POPDC3: variants seen among roughly 807,000 people sequenced by gnomAD.
The protein encoded by POPDC3 is popeye domain cAMP effector 3, also known as popeye domain-containing protein 3.
Under a neutral mutation model 28.2 loss-of-function variants are expected in POPDC3, and 20 were observed. The observed-to-expected ratio is 0.71, with a 90% confidence interval of 0.50 to 1.03. The LOEUF is 1.03. POPDC3 is among the 50% of genes least tolerant of loss of function. The pLI is 0.00. For synonymous variants in POPDC3, 118 were observed against 124.1 expected, an observed-to-expected ratio of 0.95 and a Z score of 0.33; for missense variants, 316 against 345.9, an observed-to-expected ratio of 0.91 and a Z score of 0.69.
chr6:105,177,311 G>C (rs1008463237), intron 1 of POPDC3, among the ~76,000 whole-genome samples: 2 of 151,756 alleles, frequency 1.3e-5, no homozygotes, highest in Non-Finnish European at 2.9e-5. Flanking sequence ...TCCTGGACTA[G>C]AAATAACTCA....
At chr6:105,167,100 T>C (rs914672193) in intron 1 of POPDC3, among the ~76,000 whole-genome samples, 10 of 151,864 alleles carry the variant, frequency 6.6e-5, no homozygotes, top group African/African-American at 2.4e-4. Context: ...ATCAACAGTT[T>C]AGATGTTGAA....
intron 1 of POPDC3, among the ~76,000 whole-genome samples, chr6:105,179,629 C>T (rs1296665854): frequency 3.3e-5 from 5 of 152,178 alleles, no homozygotes; most frequent in Non-Finnish European, 5.9e-5. Context: ...GGACCCCAGA[C>T]CCCGGACCCC....
At chr6:105,177,098 A>C in intron 1 of POPDC3, 1 of 304,006 alleles carries the variant, frequency 3.3e-6, no homozygotes, top group Non-Finnish European at 4.9e-6. Flanking sequence ...ATTAACAACC[A>C]TCAACACTGT....
At chr6:105,163,781 TAAAAAAAAAG>T in intron 1 of POPDC3, 1 of 150,800 alleles carries the variant, frequency 6.6e-6, no homozygotes, top group South Asian at 2.1e-4. Flanking sequence ...GTGAATCATT[TAAAAAAAAAG>T]AAAAAAAAAG....
At chr6:105,174,106 A>C (rs1774635202) in intron 1 of POPDC3, among the ~76,000 whole-genome samples, 1 of 152,214 alleles carries the variant, frequency 6.6e-6, no homozygotes, top group Admixed American at 6.5e-5. Flanking sequence ...CAATGGCACA[A>C]TCTTGGCTCA....
chr6:105,158,799 T>G (rs771998391), intron 3 of POPDC3, 48 bp from the exon 4 acceptor site: 2 of 1,475,154 alleles, frequency 1.4e-6, no homozygotes, highest in Admixed American at 4.4e-5. Context: ...GCAAGAAAAC[T>G]TCTGCCACAT....
chr6:105,162,008 T>C lies in POPDC3; in HGVS notation c.-99A>G. 8 of 1,510,278 alleles carry C rather than the reference T, an allele frequency of 5.3e-6. No individual in the cohort carries two copies. Among genetic ancestry groups the C allele is most frequent in the Non-Finnish European group, 7.0e-6 (8 of 1,136,298 alleles). The allele number at this position is 1,510,278 out of a possible 1,614,324, so 93.6% of individuals were successfully genotyped here. On this transcript the variant is annotated 5_prime_UTR_variant, in exon 2 of 4. Coordinates refer to ENST00000254765, the MANE Select transcript of POPDC3 (RefSeq NM_022361.5). Reference sequence around the variant, plus strand: ...TCTCCATCATGAGAGTTTTGTGCAGTCTTCACAAAACCAGAGAAAACGGAC... The same window carrying C: ...TCTCCATCATGAGAGTTTTGTGCAGCCTTCACAAAACCAGAGAAAACGGAC...
intron 1 of POPDC3, among the ~76,000 whole-genome samples, chr6:105,170,692 C>T (rs944637669): frequency 6.6e-6 from 1 of 152,128 alleles, no homozygotes; most frequent in Non-Finnish European, 1.5e-5. Flanking sequence ...ATATGTGATC[C>T]TAAACAGTCA....
chr6:105,169,660 A>T (rs1330587474), intron 1 of POPDC3: 1 of 152,206 alleles, frequency 6.6e-6, no homozygotes, highest in Admixed American at 6.6e-5. Flanking sequence ...CCAAGGCCAG[A>T]TGACTTCAGC....
At chr6:105,176,236 G>C (rs1359996755) in intron 1 of POPDC3, among the ~76,000 whole-genome samples, 1 of 152,188 alleles carries the variant, frequency 6.6e-6, no homozygotes, top group Non-Finnish European at 1.5e-5. Context: ...CTCACAACCA[G>C]AAGAGGTTCA....
At chr6:105,178,632 A>T in intron 1 of POPDC3, 2 of 605,940 alleles carry the variant, frequency 3.3e-6, no homozygotes, top group South Asian at 7.3e-5. Context: ...ACAGAACCTC[A>T]GAGATATCTG....
At chr6:105,160,733 C>T (rs1183088932) in intron 2 of POPDC3, among the ~76,000 whole-genome samples, 1 of 152,146 alleles carries the variant, frequency 6.6e-6, no homozygotes, top group Non-Finnish European at 1.5e-5. Context: ...GCTGGGACTA[C>T]TGGCATGTGC....
Position 105,159,711 on chromosome 6 carries a change from C to G in POPDC3, c.594G>C (p.Gln198His). ...AACTGTGTGTTCTGGTATCCCTTACCTGAAAAATGCCTTCCTCTGTGGGTC... is the reference window on the plus strand; with the variant it reads ...AACTGTGTGTTCTGGTATCCCTTACGTGAAAAATGCCTTCCTCTGTGGGTC... ...SLRPTEEGIFQVTLTAETDCR... is the reference protein window; with the variant it reads ...SLRPTEEGIFHVTLTAETDCR... Residue 198 changes from glutamine (Q) to histidine (H), a missense_variant and splice_region_variant, in exon 3 of 4, where the codon CAG becomes CAC. Transcript: ENST00000254765. The G allele has an allele frequency of 1.3e-6, 2 of 1,584,494 alleles. No homozygotes were observed. Among genetic ancestry groups the G allele is most frequent in the Non-Finnish European group, 1.7e-6 (2 of 1,153,500 alleles).
At chr6:105,167,674 G>A (rs1312854224) in intron 1 of POPDC3, among the ~76,000 whole-genome samples, 1 of 151,612 alleles carries the variant, frequency 6.6e-6, no homozygotes, top group Non-Finnish European at 1.5e-5. Context: ...TTGAACCTGG[G>A]AGGCAGAGGC....
At chr6:105,162,498 G>A (rs1774358394) in intron 1 of POPDC3, among the ~76,000 whole-genome samples, 1 of 152,144 alleles carries the variant, frequency 6.6e-6, no homozygotes, top group Non-Finnish European at 1.5e-5. Context: ...TTGGGAGGCT[G>A]AGGTGGGTGG....
intron 1 of POPDC3, chr6:105,169,760 C>T (rs1774537189): frequency 6.6e-6 from 1 of 152,020 alleles, no homozygotes; most frequent in African/African-American, 2.4e-5. Context: ...GTTTTATTGT[C>T]CAGTTTTTAA....
chr6:105,163,007 T>G (rs904144173), intron 1 of POPDC3, among the ~76,000 whole-genome samples: 2 of 152,208 alleles, frequency 1.3e-5, no homozygotes, highest in African/African-American at 4.8e-5. Flanking sequence ...CATGCCCATA[T>G]GCTGGGTCCA....
At position 105,159,798 on chromosome 6, in the gene POPDC3, G is replaced by A. The variant is rs774623615; in HGVS notation, c.507C>T (p.Gly169=). The A allele has an allele frequency of 1.2e-5, 19 of 1,611,130 alleles. No individual in the cohort carries two copies. Among genetic ancestry groups the A allele is most frequent in the South Asian group, 3.3e-5 (3 of 90,970 alleles). ...GGGGGAAAATGTAATGCAGAAATTC[G>A]CCATCAACTGTCACTCTGATCCTAT... ...VSGRIRVTVD[G]EFLHYIFPLQ... The change falls in exon 3 of 4, where the codon GGC becomes GGT. Residue 169 remains glycine, a synonymous_variant. Coordinates refer to ENST00000254765, the MANE Select transcript of POPDC3 (RefSeq NM_022361.5).
Position 105,158,285 on chromosome 6 carries a change from G to T in POPDC3, c.*185C>A, listed in dbSNP as rs2114521081. 1.9e-6 allele frequency: 1 copy of T among 540,092 alleles called. No homozygotes were observed. The highest frequency in any genetic ancestry group is 3.2e-6 in the Non-Finnish European group (1 of 316,956). 33.5% of individuals were successfully genotyped at this position (540,092 alleles called of 1,614,324 possible). On this transcript the variant is annotated 3_prime_UTR_variant, in exon 4 of 4. Transcript: ENST00000254765. Reference sequence around the variant, plus strand: ...CCAATTATAACAATGAGAAATACAAGAAAAATTTGTAAAGTTTATTCACAA... The same window carrying T: ...CCAATTATAACAATGAGAAATACAATAAAAATTTGTAAAGTTTATTCACAA...
Sources: gnomAD v4.1 joint callset for allele counts (sites outside exome capture counted in the v4.1 genomes callset) on GRCh38, gnomAD v4.1.1 for gene constraint, MANE v1.5 for transcripts, NCBI Gene and HGNC (gene_info 2026-07-23, HGNC 2026-07-21) for gene names.